Variants in ATF1 observed in about 807,000 individuals in gnomAD.
The protein encoded by ATF1 is cyclic AMP-dependent transcription factor ATF-1.
In ATF1, 16 loss-of-function variants were observed where a neutral mutation model predicts 34.7. The observed-to-expected ratio is 0.46, with a 90% CI of 0.31 to 0.70. ATF1 has a LOEUF of 0.70. Among genes scored for constraint, ATF1 ranks in the 30% least tolerant of loss-of-function variants. ATF1 has a pLI of 0.05. For missense variants in ATF1, 255 were observed against 321.6 expected (o/e 0.79, Z 1.58); for synonymous variants, 105 against 113.1 (o/e 0.93, Z 0.46).
chr12:50,791,515 A>G (rs1462957310), intron 2 of ATF1, among the ~76,000 whole-genome samples: 2 of 152,016 alleles, frequency 1.3e-5, no homozygotes, highest in Non-Finnish European at 2.9e-5. Flanking sequence ...AGATCGTGCT[A>G]CTTCACTTCA....
intron 1 of ATF1, among the ~76,000 whole-genome samples, chr12:50,769,493 G>T (rs1940719683): frequency 6.6e-6 from 1 of 151,154 alleles, no homozygotes; most frequent in Non-Finnish European, 1.5e-5. Flanking sequence ...GGGTGACAGA[G>T]CGAGACTCCA....
intron 6 of ATF1, among the ~76,000 whole-genome samples, chr12:50,814,935 C>T (rs1592204605): frequency 6.6e-6 from 1 of 150,908 alleles, no homozygotes; most frequent in Admixed American, 6.6e-5. Context: ...TCCTGGCTAA[C>T]GTGGTGAAAC....
At chr12:50,798,305 T>G (rs1174848115) in intron 3 of ATF1, among the ~76,000 whole-genome samples, 2 of 151,792 alleles carry the variant, frequency 1.3e-5, no homozygotes, top group Non-Finnish European at 2.9e-5. Flanking sequence ...TTGGGTAGTT[T>G]CATGGTTGTT....
In ATF1 at chr12:50,820,597, T is replaced by G. The variant is rs544798225; in HGVS notation, c.*818T>G. ...CATTACTTATTCTGCTGTGCTTTAA[T>G]AGAATGGAATGTTTACAGGCCCTTA... On this transcript the variant is annotated 3_prime_UTR_variant, in exon 7 of 7. Coordinates refer to ENST00000262053, the MANE Select transcript of ATF1 (RefSeq NM_005171.5). 1 of 178,570 alleles carries G rather than the reference T, an allele frequency of 5.6e-6. No homozygotes were observed. Among genetic ancestry groups the G allele is most frequent in the African/African-American group, 2.4e-5 (1 of 42,372 alleles). The allele number at this position is 178,570 out of a possible 1,614,324, so 11.1% of individuals were successfully genotyped here. A position where few individuals can be genotyped will look rare whatever the true frequency, so the allele number is the denominator to read the frequency against.
In ATF1 at chr12:50,821,082, A is replaced by C. The variant is rs1008567005; in HGVS notation, c.*1303A>C. Reference sequence around the variant, plus strand: ...TATTGTGTGCTCTTACACAGTATGCATCATATTGTTGTCTGTGAAATTAAA... The same window carrying C: ...TATTGTGTGCTCTTACACAGTATGCCTCATATTGTTGTCTGTGAAATTAAA... On this transcript the variant is annotated 3_prime_UTR_variant, in exon 7 of 7. Coordinates refer to ENST00000262053, the MANE Select transcript of ATF1 (RefSeq NM_005171.5). The C allele has an allele frequency of 1.1e-5, 2 of 179,084 alleles. No individual in the cohort carries two copies. The highest frequency in any genetic ancestry group is 4.7e-5 in the African/African-American group (2 of 42,358). 11.1% of individuals were successfully genotyped at this position (179,084 alleles called of 1,614,324 possible). A position where few individuals can be genotyped will look rare whatever the true frequency, so the allele number is the denominator to read the frequency against.
intron 1 of ATF1, among the ~76,000 whole-genome samples, chr12:50,771,280 C>T (rs1396391044): frequency 2.0e-5 from 3 of 152,206 alleles, no homozygotes; most frequent in Admixed American, 6.5e-5. Context: ...TGCTGGATTA[C>T]AGGTGTGAGC....
intron 6 of ATF1, among the ~76,000 whole-genome samples, chr12:50,815,374 T>A (rs2139698080): frequency 6.6e-6 from 1 of 151,966 alleles, no homozygotes; most frequent in East Asian, 1.9e-4. Context: ...AGTAGAAAAG[T>A]TATATTTGGT....
intron 1 of ATF1, chr12:50,775,661 G>A (rs1000223484): frequency 6.6e-6 from 1 of 152,358 alleles, no homozygotes; most frequent in African/African-American, 2.4e-5. Context: ...AAAAATCAGT[G>A]AGTCAGAGCA....
intron 4 of ATF1, among the ~76,000 whole-genome samples, chr12:50,813,102 T>C (rs1941771248): frequency 6.6e-6 from 1 of 152,186 alleles, no homozygotes; most frequent in Non-Finnish European, 1.5e-5. Context: ...TAAAATGTTT[T>C]CTATTTGATC....
In ATF1 at chr12:50,767,631, A is replaced by G. The variant is rs1940671753; in HGVS notation, c.-7+3324A>G. ...GTCCCTGTAACAAATAAAAGACTGG[A>G]TGAAGTCTCCACCTTGTTTTACGTC... On this transcript the variant is annotated intron_variant, in intron 1 of 6. Coordinates refer to ENST00000262053, the MANE Select transcript of ATF1 (RefSeq NM_005171.5). Among the ~76,000 whole-genome samples, 3 of 152,220 alleles carry G rather than the reference A, an allele frequency of 2.0e-5. No homozygotes were observed. The South Asian group carries it at 6.2e-4, about 32-fold the overall frequency.
chr12:50,819,522 AGAT>A, intron 6 of ATF1, 110 bp from the exon 7 acceptor site: 1 of 1,201,016 alleles, frequency 8.3e-7, no homozygotes, highest in East Asian at 2.4e-5. Flanking sequence ...CTCTGTGTGT[AGAT>A]GATACTTTAA....
chr12:50,791,739 T>C (rs549401562), intron 2 of ATF1, among the ~76,000 whole-genome samples: 1 of 152,210 alleles, frequency 6.6e-6, no homozygotes, highest in East Asian at 1.9e-4. Context: ...GAGATCTCTG[T>C]TAACTGAAAA....
At chr12:50,791,754 T>G (rs1941306985) in intron 2 of ATF1, among the ~76,000 whole-genome samples, 1 of 152,142 alleles carries the variant, frequency 6.6e-6, no homozygotes, top group Non-Finnish European at 1.5e-5. Flanking sequence ...TGAAAATATT[T>G]GAGAAAGCTT....
rs529845743 is a variant in ATF1 at position 50,770,809 on chromosome 12, G to C, written c.-7+6502G>C. Among the ~76,000 whole-genome samples the C allele has an allele frequency of 1.7e-3, 261 of 152,222 alleles. 3 individuals carry two copies. The highest frequency in any genetic ancestry group is 6.0e-3 in the African/African-American group (250 of 41,528). ...CCTGCGTATTCTTGTAAACCAACCA[G>C]TAATCTCTAATTGTTGCTCAGAAGA... On this transcript the variant is annotated intron_variant, in intron 1 of 6. Transcript: ENST00000262053.
intron 4 of ATF1, 135 bp from the exon 5 acceptor site, chr12:50,813,875 A>G: frequency 2.6e-6 from 2 of 777,742 alleles, no homozygotes; most frequent in Non-Finnish European, 4.0e-6. Context: ...CACCTAAAGT[A>G]AAGTAGTCTG....
chr12:50,814,553 A>G (rs894078241), intron 6 of ATF1, 114 bp downstream of exon 6: 19 of 1,159,684 alleles, frequency 1.6e-5, no homozygotes, highest in Non-Finnish European at 2.3e-5. Context: ...ATGTTTAAGT[A>G]AACAATGGAC....
chr12:50,794,925 A>G (rs927399828), intron 2 of ATF1, among the ~76,000 whole-genome samples: 1 of 152,116 alleles, frequency 6.6e-6, no homozygotes, highest in Admixed American at 6.5e-5. Flanking sequence ...TCTCAAAAAT[A>G]AAAAAATTAA....
At chr12:50,811,946 G>T in intron 4 of ATF1, among the ~76,000 whole-genome samples, 1 of 152,186 alleles carries the variant, frequency 6.6e-6, no homozygotes, top group Non-Finnish European at 1.5e-5. Context: ...ATAGAACTTC[G>T]TATGATAATG....
intron 3 of ATF1, among the ~76,000 whole-genome samples, chr12:50,806,612 A>C (rs972056495): frequency 1.3e-5 from 2 of 152,226 alleles, no homozygotes; most frequent in African/African-American, 4.8e-5. Flanking sequence ...TTTAAAATGG[A>C]AAAATAAATG....
Sources: allele counts gnomAD v4.1 joint callset (sites outside exome capture counted in the v4.1 genomes callset), GRCh38; gene constraint gnomAD v4.1.1; transcripts MANE v1.5; gene names NCBI Gene and HGNC (gene_info 2026-07-23, HGNC 2026-07-21).